The following RNF111 variants were observed in gnomAD, a reference collection of about 807,000 sequenced individuals.
The protein encoded by RNF111 is ring finger protein 111, also known as E3 ubiquitin-protein ligase Arkadia.
In RNF111, 17 loss-of-function variants were observed where a neutral mutation model predicts 95.1. That is an observed-to-expected ratio of 0.18 (90% CI 0.12 to 0.27). RNF111 has a LOEUF of 0.27. RNF111 is among the 10% of genes least tolerant of loss of function. RNF111 has a pLI of 1.00. For synonymous variants in RNF111, 440 were observed against 414.8 expected, an observed-to-expected ratio of 1.06 and a Z score of -0.74; for missense variants, 1,189 against 1,210.4, an observed-to-expected ratio of 0.98 and a Z score of 0.26.
chr15:59,085,799 T>A lies in RNF111; in HGVS notation c.2550+14T>A. The A allele has an allele frequency of 6.2e-7, 1 of 1,609,520 alleles. No homozygotes were observed. The highest frequency in any genetic ancestry group is 8.5e-7 in the Non-Finnish European group (1 of 1,177,562). On this transcript the variant is annotated intron_variant, in intron 10 of 13. Transcript: ENST00000348370. ...CTTCCTTTAATGGTAAAATGGAAAA[T>A]TTTCAAAATTTTGACATGTTCTAAA... is the stretch of plus-strand genomic sequence containing the variant.
In RNF111 at chr15:59,016,326, C is replaced by T. The variant is rs550676881; in HGVS notation, c.-19-14478C>T. Among the ~76,000 whole-genome samples, 6 of 152,060 alleles carry T rather than the reference C, an allele frequency of 3.9e-5. No homozygotes were observed. The East Asian group carries it at 7.7e-4, about 20-fold the overall frequency. ...CTGGGACTACAGGCACGCACCACCA[C>T]GCCCAGCTGATTTCTGTATTTTTAG... On this transcript the variant is annotated intron_variant, in intron 1 of 13. Coordinates refer to ENST00000348370, the MANE Select transcript of RNF111 (RefSeq NM_017610.8).
intron 2 of RNF111, among the ~76,000 whole-genome samples, chr15:59,051,966 T>C (rs1302902669): frequency 6.6e-6 from 1 of 152,094 alleles, no homozygotes; most frequent in Non-Finnish European, 1.5e-5. Context: ...TATAGTAGAA[T>C]ATCTTATACA....
chr15:59,038,890 C>T (rs920387043), intron 2 of RNF111, among the ~76,000 whole-genome samples: 1 of 152,076 alleles, frequency 6.6e-6, no homozygotes, highest in Non-Finnish European at 1.5e-5. Context: ...ATAAAGTTCC[C>T]CTTCACTGTT....
At chr15:59,025,384 C>T (rs1365119584) in intron 1 of RNF111, among the ~76,000 whole-genome samples, 4 of 152,112 alleles carry the variant, frequency 2.6e-5, no homozygotes, top group African/African-American at 4.8e-5. Flanking sequence ...CATAGTGATA[C>T]TTTTGAGGGA....
At chr15:59,033,241 TTTC>T (rs1400828007) in intron 2 of RNF111, among the ~76,000 whole-genome samples, 4 of 152,190 alleles carry the variant, frequency 2.6e-5, no homozygotes, top group South Asian at 2.1e-4. Flanking sequence ...GGATGTGCCA[TTTC>T]TTCTTCTCTT....
Position 59,055,732 on chromosome 15 carries a change from G to A in RNF111, c.1058G>A (p.Ser353Asn), listed in dbSNP as rs373162379. 1.4e-5 allele frequency: 22 copies of A among 1,613,790 alleles called. No homozygotes were observed. The South Asian group carries it at 2.0e-4, about 14-fold the overall frequency. The change falls in exon 4 of 14, where the codon AGT becomes AAT. Residue 353 changes from serine to asparagine, a missense_variant. Coordinates refer to ENST00000348370, the MANE Select transcript of RNF111 (RefSeq NM_017610.8). ...AGATCTCATTGGAGCCAGGGTTCCA[G>A]TTCTCATGCAAGTCGGCCACAGGAG... ...HSRSHWSQGS[S>N]SHASRPQEPR... is the part of the protein sequence containing the mutation.
intron 3 of RNF111, among the ~76,000 whole-genome samples, chr15:59,053,966 C>G (rs772959648): frequency 6.6e-6 from 1 of 152,116 alleles, no homozygotes; most frequent in Non-Finnish European, 1.5e-5. Context: ...GACAGAGTCT[C>G]CCTCTGTCAC....
intron 1 of RNF111, among the ~76,000 whole-genome samples, chr15:58,994,041 T>A (rs1054941062): frequency 4.7e-4 from 68 of 145,474 alleles, no homozygotes; most frequent in Non-Finnish European, 8.5e-4. Context: ...AAATTTTTTT[T>A]TTTTTTTTTT....
intron 1 of RNF111, among the ~76,000 whole-genome samples, chr15:59,030,527 T>C (rs1469687079): frequency 2.0e-5 from 3 of 152,220 alleles, no homozygotes; most frequent in Non-Finnish European, 4.4e-5. Flanking sequence ...TAGTGAGATA[T>C]GCAATAAGAT....
intron 1 of RNF111, among the ~76,000 whole-genome samples, chr15:59,026,919 C>T (rs1450267987): frequency 6.6e-6 from 1 of 152,206 alleles, no homozygotes. Context: ...ACCACCCCCC[C>T]TTGCTCTCCT....
chr15:59,057,023 CTT>C (rs1289063923), intron 4 of RNF111, among the ~76,000 whole-genome samples: 2 of 152,132 alleles, frequency 1.3e-5, no homozygotes, highest in African/African-American at 4.8e-5. Flanking sequence ...AAGCTTCTCT[CTT>C]ATTAAAAATG....
chr15:59,023,233 G>C (rs2040433494), intron 1 of RNF111, among the ~76,000 whole-genome samples: 2 of 152,158 alleles, frequency 1.3e-5, no homozygotes, highest in Non-Finnish European at 2.9e-5. Flanking sequence ...GGGTGACAGA[G>C]CAAGACTCAA....
chr15:58,996,364 G>A (rs1180107691), intron 1 of RNF111, among the ~76,000 whole-genome samples: 1 of 151,992 alleles, frequency 6.6e-6, no homozygotes, highest in Admixed American at 6.6e-5. Context: ...CTTGAGGCCA[G>A]GAGTTCAAGA....
intron 6 of RNF111, among the ~76,000 whole-genome samples, chr15:59,068,405 A>T (rs539467364): frequency 9.9e-5 from 15 of 152,240 alleles, no homozygotes; most frequent in Admixed American, 7.8e-4. Flanking sequence ...TCAGAAGTTC[A>T]AGACCAGCCT....
intron 1 of RNF111, among the ~76,000 whole-genome samples, chr15:59,015,237 A>G (rs2040011843): frequency 6.6e-6 from 1 of 152,206 alleles, no homozygotes; most frequent in Non-Finnish European, 1.5e-5. Flanking sequence ...GATAGAAGTC[A>G]CTTATGTTTT....
intron 6 of RNF111, among the ~76,000 whole-genome samples, 164 bp downstream of exon 6, chr15:59,067,247 T>C (rs1209782718): frequency 2.3e-5 from 3 of 129,232 alleles, no homozygotes; most frequent in African/African-American, 5.7e-5. Context: ...TTTCCTTTTT[T>C]TTTTTTTAAC....
chr15:59,043,186 A>G (rs1369690644), intron 2 of RNF111, among the ~76,000 whole-genome samples: 16 of 148,770 alleles, frequency 1.1e-4, no homozygotes, highest in African/African-American at 4.0e-4. Flanking sequence ...ACAGGGTCTC[A>G]TTTTGTTGCC....
intron 1 of RNF111, among the ~76,000 whole-genome samples, chr15:58,991,521 G>T (rs143738743): frequency 1.3e-5 from 2 of 152,230 alleles, no homozygotes; most frequent in Non-Finnish European, 2.9e-5. Flanking sequence ...GAGGAAAATA[G>T]GACCATGTGA....
intron 7 of RNF111, among the ~76,000 whole-genome samples, chr15:59,076,938 A>G (rs1417292081): frequency 6.6e-6 from 1 of 152,192 alleles, no homozygotes; most frequent in African/African-American, 2.4e-5. Context: ...GCAAGTGGTA[A>G]TTTTCACTTA....
Sources: allele counts gnomAD v4.1 joint callset (sites outside exome capture counted in the v4.1 genomes callset), GRCh38; gene constraint gnomAD v4.1.1; transcripts MANE v1.5; gene names NCBI Gene and HGNC (gene_info 2026-07-23, HGNC 2026-07-21).